Variants in SLC4A8 observed in about 807,000 individuals in gnomAD.
SLC4A8 encodes the protein solute carrier family 4 member 8, also known as electroneutral sodium bicarbonate exchanger 1.
SLC4A8 carries 40 observed loss-of-function variants against 125.0 expected under a neutral mutation model. The observed-to-expected ratio is 0.32, with a 90% CI of 0.25 to 0.42. SLC4A8 has a LOEUF of 0.42. Among genes scored for constraint, SLC4A8 ranks in the 10% least tolerant of loss-of-function variants. SLC4A8 has a pLI of 1.00. For synonymous variants in SLC4A8, 456 were observed against 476.0 expected, an observed-to-expected ratio of 0.96 and a Z score of 0.55; for missense variants, 863 against 1,355.1, an observed-to-expected ratio of 0.64 and a Z score of 5.70.
chr12:51,462,118 A>T, intron 9 of SLC4A8, 192 bp from the exon 10 acceptor site: 1 of 583,156 alleles, frequency 1.7e-6, no homozygotes, highest in Non-Finnish European at 3.0e-6. Context: ...CTTTTAATGC[A>T]TCTCATTTCC....
chr12:51,512,482 C>T lies in SLC4A8; in HGVS notation c.*5044C>T, dbSNP rs1270495419. On this transcript the variant is annotated 3_prime_UTR_variant, in exon 25 of 25. Transcript: ENST00000453097. ...TCTCTGTGGTAGGAACCATTCCCTA[C>T]TCTTACTCCCTCCTCTTGTCCAACT... The T allele has an allele frequency of 6.6e-6, 1 of 152,244 alleles. No individual in the cohort carries two copies. The highest frequency in any genetic ancestry group is 1.5e-5 in the Non-Finnish European group (1 of 68,058). 9.4% of individuals were successfully genotyped at this position (152,244 alleles called of 1,614,324 possible).
At chr12:51,476,291 G>A (rs1950852553) in intron 16 of SLC4A8, among the ~76,000 whole-genome samples, 1 of 152,078 alleles carries the variant, frequency 6.6e-6, no homozygotes, top group East Asian at 1.9e-4. Context: ...ATACCAGCCT[G>A]GCCAACATGC....
rs1412281760 is a variant in SLC4A8 at position 51,515,009 on chromosome 12, C to T, written c.*7571C>T. 6.6e-6 allele frequency: 1 copy of T among 152,200 alleles called. No homozygotes were observed. Among genetic ancestry groups the T allele is most frequent in the Non-Finnish European group, 1.5e-5 (1 of 68,032 alleles). 9.4% of individuals were successfully genotyped at this position (152,200 alleles called of 1,614,324 possible). ...AATAGCATTTTTCTTAAACCTAACC[C>T]AGTTTCAGCATTGGAGAATACAGAA... is the stretch of plus-strand genomic sequence containing the variant. On this transcript the variant is annotated 3_prime_UTR_variant, in exon 25 of 25. Coordinates refer to ENST00000453097, the MANE Select transcript of SLC4A8 (RefSeq NM_001039960.3).
At chr12:51,396,360 T>C (rs1419027231) in intron 1 of SLC4A8, among the ~76,000 whole-genome samples, 1 of 152,170 alleles carries the variant, frequency 6.6e-6, no homozygotes, top group Non-Finnish European at 1.5e-5. Flanking sequence ...GGGAGCCTGA[T>C]GTAAAAATGA....
intron 16 of SLC4A8, chr12:51,479,969 ATT>A (rs202064260): frequency 0.39 from 118,583 of 300,456 alleles, 15,169 homozygotes; most frequent in Non-Finnish European, 0.41. Context: ...TATAAATGGA[ATT>A]TTTTTTTTTT....
intron 1 of SLC4A8, among the ~76,000 whole-genome samples, chr12:51,439,495 C>G (rs920643072): frequency 2.6e-5 from 4 of 151,738 alleles, no homozygotes; most frequent in Non-Finnish European, 5.9e-5. Context: ...AAGAGATCAT[C>G]ATCTCTTTGA....
chr12:51,502,949 C>T (rs532732203), intron 22 of SLC4A8, among the ~76,000 whole-genome samples: 2 of 151,450 alleles, frequency 1.3e-5, no homozygotes, highest in South Asian at 4.2e-4. Flanking sequence ...TCACGCCATT[C>T]TCCTGCCTCA....
At chr12:51,495,157 G>A in intron 21 of SLC4A8, 39 bp downstream of exon 21, 1 of 1,530,354 alleles carries the variant, frequency 6.5e-7, no homozygotes, top group Non-Finnish European at 8.9e-7. Flanking sequence ...TATTATCATT[G>A]TTATTTTTTA....
chr12:51,433,655 A>G (rs1949269917), intron 1 of SLC4A8, among the ~76,000 whole-genome samples: 1 of 152,202 alleles, frequency 6.6e-6, no homozygotes, highest in African/African-American at 2.4e-5. Flanking sequence ...AATAATAGCC[A>G]ATTGGTGAGG....
intron 22 of SLC4A8, among the ~76,000 whole-genome samples, chr12:51,498,267 T>A (rs1037334876): frequency 2.0e-5 from 3 of 152,068 alleles, no homozygotes; most frequent in African/African-American, 7.2e-5. Flanking sequence ...CATGTTAATA[T>A]CCTTACTATT....
At chr12:51,467,746 A>G (rs1049191710) in intron 11 of SLC4A8, among the ~76,000 whole-genome samples, 6 of 152,184 alleles carry the variant, frequency 3.9e-5, no homozygotes, top group African/African-American at 1.4e-4. Context: ...CATTTTGCCA[A>G]TCTTGTTTCA....
upstream of SLC4A8, chr12:51,424,550 T>C (rs942068371): frequency 6.1e-6 from 1 of 165,012 alleles, no homozygotes; most frequent in Non-Finnish European, 1.3e-5. Flanking sequence ...AGGAATGAAA[T>C]CAGAATAGGC....
chr12:51,469,909 G>A lies in SLC4A8; in HGVS notation c.1524+121G>A. 3.7e-6 allele frequency: 3 copies of A among 812,582 alleles called. No individual in the cohort carries two copies. In the South Asian group the frequency reaches 5.2e-5, roughly 14 times the overall value. The allele number at this position is 812,582 out of a possible 1,614,324, so 50.3% of individuals were successfully genotyped here. A position where few individuals can be genotyped will look rare whatever the true frequency, so the allele number is the denominator to read the frequency against. ...ACTGAAGAGATTGGATTTTTCCTCT[G>A]AATTACCATGGTCTTCTGACATCAC... is the stretch of plus-strand genomic sequence containing the variant. On this transcript the variant is annotated intron_variant, in intron 12 of 24. Transcript: ENST00000453097.
intron 1 of SLC4A8, among the ~76,000 whole-genome samples, chr12:51,432,281 G>C (rs1343027657): frequency 1.3e-5 from 2 of 151,450 alleles, no homozygotes; most frequent in African/African-American, 2.4e-5. Flanking sequence ...TGTGGTGGCG[G>C]GCGCCTGTAG....
At chr12:51,456,491 A>G (rs1462361260) in intron 5 of SLC4A8, among the ~76,000 whole-genome samples, 6 of 152,216 alleles carry the variant, frequency 3.9e-5, no homozygotes, top group Admixed American at 3.9e-4. Context: ...TAATATGTTC[A>G]TAATATTTTA....
intron 14 of SLC4A8, among the ~76,000 whole-genome samples, chr12:51,472,755 A>G (rs1950740136): frequency 6.6e-6 from 1 of 152,228 alleles, no homozygotes; most frequent in Admixed American, 6.5e-5. Flanking sequence ...TTCTTTGTTA[A>G]TAAAGCTCAA....
intron 17 of SLC4A8, among the ~76,000 whole-genome samples, 199 bp from the exon 18 acceptor site, chr12:51,488,500 G>A (rs1039308458): frequency 3.3e-5 from 5 of 150,480 alleles, no homozygotes; most frequent in African/African-American, 4.9e-5. Context: ...AGTCATTGGT[G>A]TCTTTAACTC....
At chr12:51,487,551 G>A (rs1047673034) in intron 17 of SLC4A8, among the ~76,000 whole-genome samples, 1 of 152,296 alleles carries the variant, frequency 6.6e-6, no homozygotes, top group African/African-American at 2.4e-5. Context: ...GGTCCAGTTG[G>A]TATCCCTGGC....
At chr12:51,444,291 T>C (rs1358973217) in intron 2 of SLC4A8, among the ~76,000 whole-genome samples, 5 of 152,180 alleles carry the variant, frequency 3.3e-5, no homozygotes, top group African/African-American at 1.2e-4. Context: ...TGCCAATTTT[T>C]CTCAGAAAAT....
Sources: allele counts gnomAD v4.1 joint callset (sites outside exome capture counted in the v4.1 genomes callset), GRCh38; gene constraint gnomAD v4.1.1; transcripts MANE v1.5; gene names NCBI Gene and HGNC (gene_info 2026-07-23, HGNC 2026-07-21).